KIAA1328: variants seen among roughly 807,000 people sequenced by gnomAD.
KIAA1328 encodes protein hinderin.
KIAA1328 carries 52 observed loss-of-function variants against 68.1 expected under a neutral mutation model. That is an observed-to-expected ratio of 0.76 (90% CI 0.61 to 0.96). The LOEUF (loss-of-function observed/expected upper bound fraction) is 0.96. KIAA1328 is among the 40% of genes least tolerant of loss of function. The pLI is 0.00. For synonymous variants in KIAA1328, 232 were observed against 239.4 expected (o/e 0.97, Z 0.28); for missense variants, 641 against 677.6 (o/e 0.95, Z 0.60).
chr18:36,941,857 A>G (rs1290593347), intron 5 of KIAA1328, among the ~76,000 whole-genome samples: 5 of 152,172 alleles, frequency 3.3e-5, no homozygotes, highest in African/African-American at 7.2e-5. Context: ...TAAAGACCCC[A>G]GGAAGCTTAT....
chr18:37,164,507 G>A (rs2059346322), intron 8 of KIAA1328, among the ~76,000 whole-genome samples: 1 of 152,214 alleles, frequency 6.6e-6, no homozygotes, highest in Non-Finnish European at 1.5e-5. Flanking sequence ...CACTTTGTGA[G>A]GCTGAGGCAG....
At chr18:37,183,765 A>T (rs2059742199) in intron 9 of KIAA1328, among the ~76,000 whole-genome samples, 1 of 152,126 alleles carries the variant, frequency 6.6e-6, no homozygotes, top group Non-Finnish European at 1.5e-5. Flanking sequence ...GCTTGTATGG[A>T]CCCATCTTCT....
At chr18:36,847,166 T>A (rs1412409416) in intron 4 of KIAA1328, among the ~76,000 whole-genome samples, 1 of 151,598 alleles carries the variant, frequency 6.6e-6, no homozygotes, top group African/African-American at 2.4e-5. Flanking sequence ...TTATCTCTTC[T>A]TCTATTAATG....
At chr18:36,947,175 A>G (rs966968874) in intron 5 of KIAA1328, among the ~76,000 whole-genome samples, 2 of 152,310 alleles carry the variant, frequency 1.3e-5, no homozygotes, top group African/African-American at 4.8e-5. Context: ...TAAAAAAACC[A>G]GAAATGAATT....
At chr18:37,130,816 CTG>C (rs1446267088) in intron 7 of KIAA1328, among the ~76,000 whole-genome samples, 1 of 152,140 alleles carries the variant, frequency 6.6e-6, no homozygotes, top group East Asian at 1.9e-4. Flanking sequence ...GATTTCATCT[CTG>C]GAGCCCTGTG....
intron 7 of KIAA1328, among the ~76,000 whole-genome samples, chr18:37,119,877 T>C (rs1480181941): frequency 6.6e-6 from 1 of 152,156 alleles, no homozygotes; most frequent in Non-Finnish European, 1.5e-5. Context: ...AGCACCCAGA[T>C]ACCAGTTTCT....
At chr18:37,039,249 T>G (rs1367199183) in intron 6 of KIAA1328, among the ~76,000 whole-genome samples, 1 of 152,150 alleles carries the variant, frequency 6.6e-6, no homozygotes, top group Non-Finnish European at 1.5e-5. Context: ...TATTTCCTCC[T>G]CTATTTTCTG....
intron 7 of KIAA1328, among the ~76,000 whole-genome samples, chr18:37,073,433 A>AT (rs1352871265): frequency 6.6e-6 from 1 of 152,242 alleles, no homozygotes; most frequent in African/African-American, 2.4e-5. Context: ...TATTAGAGAA[A>AT]TGCAAATCAA....
At chr18:36,991,259 T>G (rs1039800941) in intron 6 of KIAA1328, among the ~76,000 whole-genome samples, 3 of 152,224 alleles carry the variant, frequency 2.0e-5, no homozygotes, top group Non-Finnish European at 4.4e-5. Context: ...GGCTGCATAG[T>G]ATTCTGTTAG....
chr18:37,105,424 GA>G (rs2057742017), intron 7 of KIAA1328, among the ~76,000 whole-genome samples: 1 of 144,866 alleles, frequency 6.9e-6, no homozygotes, highest in African/African-American at 2.6e-5. Flanking sequence ...CCAGGACTTC[GA>G]AGTTATAGTA....
chr18:37,044,372 C>T (rs1241964077), intron 6 of KIAA1328, among the ~76,000 whole-genome samples: 4 of 151,778 alleles, frequency 2.6e-5, no homozygotes, highest in Middle Eastern at 6.8e-3. Flanking sequence ...CTGATAGGAA[C>T]GTGGTAAAGG....
intron 5 of KIAA1328, among the ~76,000 whole-genome samples, chr18:36,934,373 A>G (rs973498970): frequency 4.0e-5 from 6 of 151,884 alleles, no homozygotes; most frequent in Admixed American, 2.0e-4. Context: ...GGTTAGTTAC[A>G]TATGTATACA....
chr18:37,023,467 T>A (rs1253858562), intron 6 of KIAA1328, among the ~76,000 whole-genome samples: 2 of 152,194 alleles, frequency 1.3e-5, no homozygotes, highest in Non-Finnish European at 2.9e-5. Flanking sequence ...GATCTTCGTA[T>A]TTTTTTCATA....
intron 7 of KIAA1328, among the ~76,000 whole-genome samples, chr18:37,079,013 A>G (rs1372234247): frequency 4.0e-5 from 6 of 151,830 alleles, no homozygotes; most frequent in Admixed American, 6.6e-5. Flanking sequence ...TCATTCTGCT[A>G]TAAAGACACA....
chr18:36,911,490 G>A (rs865862238), intron 5 of KIAA1328, among the ~76,000 whole-genome samples: 2 of 151,992 alleles, frequency 1.3e-5, no homozygotes, highest in South Asian at 4.2e-4. Flanking sequence ...TTCTCTTTAG[G>A]TTTAACTTTC....
intron 8 of KIAA1328, among the ~76,000 whole-genome samples, chr18:37,162,094 T>C (rs750974537): frequency 3.3e-5 from 5 of 152,348 alleles, no homozygotes; most frequent in South Asian, 2.1e-4. Context: ...CAGCACTTTC[T>C]GTTGTGCACA....
At chr18:36,869,940 G>A (rs554578793) in intron 4 of KIAA1328, among the ~76,000 whole-genome samples, 32 of 152,060 alleles carry the variant, frequency 2.1e-4, no homozygotes, top group Middle Eastern at 3.4e-3. Flanking sequence ...TGGGCTCACT[G>A]CAACCTCTGC....
chr18:37,083,749 T>C (rs1301194596), intron 7 of KIAA1328, among the ~76,000 whole-genome samples: 1 of 152,226 alleles, frequency 6.6e-6, no homozygotes, highest in Non-Finnish European at 1.5e-5. Context: ...GGGTCAGTGA[T>C]AATTAGAGTT....
chr18:36,852,812 G>A (rs2047256842), intron 4 of KIAA1328, among the ~76,000 whole-genome samples: 1 of 152,118 alleles, frequency 6.6e-6, no homozygotes, highest in Admixed American at 6.6e-5. Flanking sequence ...AGTAGTACCA[G>A]CTGTAATGAC....
Sources: allele counts gnomAD v4.1 joint callset (sites outside exome capture counted in the v4.1 genomes callset), GRCh38; gene constraint gnomAD v4.1.1; transcripts MANE v1.5; gene names NCBI Gene and HGNC (gene_info 2026-07-23, HGNC 2026-07-21).